Variants in CTNNA3 observed in about 807,000 individuals in gnomAD.
CTNNA3 encodes the protein catenin alpha-3.
In CTNNA3, 76 loss-of-function variants were observed where a neutral mutation model predicts 95.7. The observed-to-expected ratio is 0.79, with a 90% CI of 0.66 to 0.96. The LOEUF (loss-of-function observed/expected upper bound fraction) is 0.96. CTNNA3 is among the 40% of genes least tolerant of loss of function. CTNNA3 has a pLI of 0.00. For missense variants in CTNNA3, 1,191 were observed against 1,089.8 expected (o/e 1.09, Z -1.31); for synonymous variants, 431 against 374.4 (o/e 1.15, Z -1.74).
chr10:67,554,133 T>C (rs1025368629), intron 3 of CTNNA3, among the ~76,000 whole-genome samples: 4 of 152,190 alleles, frequency 2.6e-5, no homozygotes, highest in African/African-American at 7.2e-5. Flanking sequence ...GGTATATGTG[T>C]CACATTTTCT....
Position 66,715,815 on chromosome 10 carries a change from C to T in CTNNA3, c.1281+50449G>A, listed in dbSNP as rs567795584. On this transcript the variant is annotated intron_variant, in intron 9 of 17. Coordinates refer to ENST00000433211, the MANE Select transcript of CTNNA3 (RefSeq NM_013266.4). ...TTGCTATGGTCAAGATTTTTAATTT[C>T]TTGACAGGGATGAGCCAAAGGATTT... Among the ~76,000 whole-genome samples the T allele has an allele frequency of 2.0e-5, 3 of 151,868 alleles. No individual in the cohort carries two copies. The East Asian group carries it at 5.8e-4, about 29-fold the overall frequency.
chr10:67,024,324 T>G (rs1853218047), intron 7 of CTNNA3, among the ~76,000 whole-genome samples: 1 of 152,208 alleles, frequency 6.6e-6, no homozygotes, highest in African/African-American at 2.4e-5. Flanking sequence ...TTTTTCTCTC[T>G]TACCATGACC....
chr10:66,782,255 A>G (rs966782994), intron 7 of CTNNA3, among the ~76,000 whole-genome samples: 1 of 152,124 alleles, frequency 6.6e-6, no homozygotes, highest in Admixed American at 6.6e-5. Flanking sequence ...GCAAATAGGA[A>G]GGGTTCAAGA....
intron 11 of CTNNA3, among the ~76,000 whole-genome samples, chr10:66,406,233 T>G (rs2093056090): frequency 1.3e-5 from 2 of 152,190 alleles, no homozygotes; most frequent in South Asian, 4.1e-4. Flanking sequence ...TCATTTAGAA[T>G]GGGCATGAAA....
intron 9 of CTNNA3, among the ~76,000 whole-genome samples, chr10:66,674,442 T>G (rs1285524278): frequency 6.6e-6 from 1 of 152,028 alleles, no homozygotes. Flanking sequence ...TTCCTAGCTA[T>G]TTTACCTTGG....
rs545314220 is a variant in CTNNA3, at chr10:66,822,397, A to T, written c.1048-46873T>A. Among the ~76,000 whole-genome samples the T allele has an allele frequency of 3.9e-5, 6 of 152,284 alleles. No homozygotes were observed. In the East Asian group the frequency reaches 9.7e-4, roughly 25 times the overall value. Reference sequence around the variant, plus strand: ...GCTACTGATCAATCAGGATTGGCACAAGAGTTGTGACTAACCACTATTCCT... The same window carrying T: ...GCTACTGATCAATCAGGATTGGCACTAGAGTTGTGACTAACCACTATTCCT... On this transcript the variant is annotated intron_variant, in intron 7 of 17. Coordinates refer to ENST00000433211, the MANE Select transcript of CTNNA3 (RefSeq NM_013266.4).
intron 3 of CTNNA3, among the ~76,000 whole-genome samples, chr10:67,572,459 T>C (rs1842010867): frequency 6.6e-6 from 1 of 152,162 alleles, no homozygotes; most frequent in African/African-American, 2.4e-5. Flanking sequence ...CTTCCAGGCC[T>C]AATGCAGTTT....
intron 5 of CTNNA3, among the ~76,000 whole-genome samples, chr10:67,443,193 C>T (rs1449422151): frequency 4.6e-5 from 7 of 150,620 alleles, no homozygotes; most frequent in East Asian, 1.9e-4. Context: ...TCCAGTCTAT[C>T]GTTGTTGGAC....
chr10:66,485,378 A>G (rs1839689766), intron 11 of CTNNA3, among the ~76,000 whole-genome samples: 1 of 152,152 alleles, frequency 6.6e-6, no homozygotes, highest in Non-Finnish European at 1.5e-5. Flanking sequence ...TAGAAATAAA[A>G]AACAAATTCA....
At chr10:66,249,235 C>T (rs940367293) in intron 13 of CTNNA3, among the ~76,000 whole-genome samples, 11 of 151,896 alleles carry the variant, frequency 7.2e-5, no homozygotes, top group Non-Finnish European at 1.6e-4. Context: ...TGAGTAGTAC[C>T]CTACAAGCAC....
chr10:66,427,516 T>A (rs778698799), intron 11 of CTNNA3, among the ~76,000 whole-genome samples: 3 of 152,118 alleles, frequency 2.0e-5, no homozygotes, highest in Non-Finnish European at 2.9e-5. Context: ...AATGAATTTT[T>A]GCAATGTGTA....
chr10:67,529,143 AT>A (rs1463324165), intron 4 of CTNNA3, among the ~76,000 whole-genome samples: 2 of 152,116 alleles, frequency 1.3e-5, no homozygotes, highest in Non-Finnish European at 2.9e-5. Flanking sequence ...AATATATATA[AT>A]TTTTACTTGT....
At chr10:66,434,658 C>A (rs1383326169) in intron 11 of CTNNA3, among the ~76,000 whole-genome samples, 1 of 152,066 alleles carries the variant, frequency 6.6e-6, no homozygotes, top group Non-Finnish European at 1.5e-5. Flanking sequence ...GCCTGATTGC[C>A]CTGGCCAGAA....
At chr10:67,750,979 A>T (rs1841403937) in intron 1 of CTNNA3, 1 of 1,594,514 alleles carries the variant, frequency 6.3e-7, no homozygotes, top group Non-Finnish European at 8.6e-7. Flanking sequence ...GGAGGATCCC[A>T]AGATTAAGGA....
chr10:66,044,216 T>C (rs377766581), intron 15 of CTNNA3, among the ~76,000 whole-genome samples: 59 of 152,280 alleles, frequency 3.9e-4, no homozygotes, highest in African/African-American at 1.3e-3. Context: ...GGCCTCAAAC[T>C]TGTGACCTTA....
intron 5 of CTNNA3, among the ~76,000 whole-genome samples, chr10:67,485,682 G>GT (rs1180663993): frequency 1.3e-5 from 2 of 152,108 alleles, no homozygotes; most frequent in African/African-American, 4.8e-5. Flanking sequence ...TTTTCTACTA[G>GT]TAACAAGTGT....
At chr10:67,405,151 C>A (rs546517168) in intron 5 of CTNNA3, among the ~76,000 whole-genome samples, 1 of 152,218 alleles carries the variant, frequency 6.6e-6, no homozygotes, top group African/African-American at 2.4e-5. Flanking sequence ...ACTACATAAA[C>A]AAGTCTGCAA....
At chr10:66,938,477 A>G (rs534135758) in intron 7 of CTNNA3, among the ~76,000 whole-genome samples, 241 of 152,320 alleles carry the variant, frequency 1.6e-3, no homozygotes, top group Non-Finnish European at 2.5e-3. Flanking sequence ...AAGGAAAAGA[A>G]AATATATTTA....
chr10:67,197,940 G>T (rs1863453298), intron 6 of CTNNA3, among the ~76,000 whole-genome samples: 1 of 152,062 alleles, frequency 6.6e-6, no homozygotes, highest in South Asian at 2.1e-4. Flanking sequence ...AAATTGCAAA[G>T]AAACTGTATT....
Sources: gnomAD v4.1 joint callset for allele counts (sites outside exome capture counted in the v4.1 genomes callset) on GRCh38, gnomAD v4.1.1 for gene constraint, MANE v1.5 for transcripts, NCBI Gene and HGNC (gene_info 2026-07-23, HGNC 2026-07-21) for gene names.